FHOD3: variants seen among roughly 807,000 people sequenced by gnomAD.
FHOD3 encodes FH1/FH2 domain-containing protein 3.
Under a neutral mutation model 173.0 loss-of-function variants are expected in FHOD3, and 90 were observed. The observed-to-expected ratio is 0.52, with a 90% CI of 0.44 to 0.62. The LOEUF is 0.62. Ranked by LOEUF, FHOD3 falls within the 20% of genes least tolerant of loss-of-function variation. FHOD3 has a pLI of 0.00. For missense variants in FHOD3, 1,945 were observed against 2,034.7 expected (o/e 0.96, Z 0.85); for synonymous variants, 828 against 823.0 (o/e 1.01, Z -0.10).
chr18:36,478,495 T>C (rs1004645910), intron 3 of FHOD3, among the ~76,000 whole-genome samples: 5 of 109,162 alleles, frequency 4.6e-5, no homozygotes, highest in African/African-American at 1.8e-4. Flanking sequence ...TATCAAATAC[T>C]AGCTCTTACT....
chr18:36,689,052 A>G (rs2038803109), intron 16 of FHOD3, among the ~76,000 whole-genome samples: 1 of 152,166 alleles, frequency 6.6e-6, no homozygotes, highest in Non-Finnish European at 1.5e-5. Flanking sequence ...ACGGAGGTCT[A>G]GGGAAGCAGG....
At chr18:36,334,800 T>C (rs1598746308) in intron 1 of FHOD3, among the ~76,000 whole-genome samples, 1 of 152,206 alleles carries the variant, frequency 6.6e-6, no homozygotes, top group East Asian at 1.9e-4. Flanking sequence ...ATTTAGGTTT[T>C]AGTGGAATAA....
intron 3 of FHOD3, among the ~76,000 whole-genome samples, chr18:36,475,970 A>T (rs2053553475): frequency 6.6e-6 from 1 of 152,222 alleles, no homozygotes; most frequent in Non-Finnish European, 1.5e-5. Context: ...TACAATTACT[A>T]GGTATTTTAG....
At chr18:36,514,311 T>C (rs948226099) in intron 5 of FHOD3, among the ~76,000 whole-genome samples, 2 of 152,104 alleles carry the variant, frequency 1.3e-5, no homozygotes, top group African/African-American at 4.8e-5. Context: ...ACCCGGCCTC[T>C]ATTCTTAATA....
At chr18:36,718,829 G>A in intron 19 of FHOD3, 114 bp downstream of exon 19, 3 of 1,490,486 alleles carry the variant, frequency 2.0e-6, no homozygotes, top group Non-Finnish European at 2.7e-6. Flanking sequence ...AAAGTCCATT[G>A]GTATGAAAAT....
intron 22 of FHOD3, 54 bp downstream of exon 22, chr18:36,742,910 C>T (rs928556998): frequency 2.9e-5 from 45 of 1,576,780 alleles, no homozygotes; most frequent in Non-Finnish European, 3.4e-5. Flanking sequence ...AAAATCCCTG[C>T]CCAGCAATTG....
intron 17 of FHOD3, among the ~76,000 whole-genome samples, chr18:36,697,912 A>G (rs1008662609): frequency 2.0e-5 from 3 of 152,194 alleles, no homozygotes; most frequent in African/African-American, 7.2e-5. Flanking sequence ...TCGTTGTGGA[A>G]GATGTTCTGA....
intron 26 of FHOD3, 72 bp downstream of exon 26, chr18:36,759,213 A>T (rs2042765663): frequency 6.9e-7 from 1 of 1,446,838 alleles, no homozygotes; most frequent in African/African-American, 1.4e-5. Flanking sequence ...AACCTAACAT[A>T]ATCAGCATGA....
At chr18:36,671,404 G>A (rs2037525846) in intron 14 of FHOD3, among the ~76,000 whole-genome samples, 1 of 152,372 alleles carries the variant, frequency 6.6e-6, no homozygotes, top group Non-Finnish European at 1.5e-5. Context: ...AGTTTCTTCA[G>A]TGCTGCTGTT....
chr18:36,594,979 C>G, intron 7 of FHOD3, 81 bp downstream of exon 7: 1 of 868,070 alleles, frequency 1.2e-6, no homozygotes. Flanking sequence ...ATGCTTGAGA[C>G]AGATATAAGA....
chr18:36,418,759 C>T (rs1025130484), intron 3 of FHOD3, among the ~76,000 whole-genome samples: 1 of 151,884 alleles, frequency 6.6e-6, no homozygotes, highest in Non-Finnish European at 1.5e-5. Flanking sequence ...AATAAAAATA[C>T]AAAAAATTAG....
At chr18:36,339,896 A>G (rs1169801980) in intron 1 of FHOD3, among the ~76,000 whole-genome samples, 1 of 152,232 alleles carries the variant, frequency 6.6e-6, no homozygotes, top group Admixed American at 6.5e-5. Context: ...TTTTTGGTTT[A>G]TGCTACAAAT....
chr18:36,339,241 A>G (rs1371658063), intron 1 of FHOD3, among the ~76,000 whole-genome samples: 1 of 152,074 alleles, frequency 6.6e-6, no homozygotes, highest in Non-Finnish European at 1.5e-5. Flanking sequence ...ACTGGGCAGT[A>G]GGGTCTTGTG....
At chr18:36,591,754 CA>C (rs11330265) in intron 6 of FHOD3, among the ~76,000 whole-genome samples, 150,841 of 151,888 alleles carry the variant, frequency 0.99, 74,914 homozygotes, top group Non-Finnish European at 1. Flanking sequence ...ACTATCTCTA[CA>C]AAAAAAAATT....
intron 3 of FHOD3, among the ~76,000 whole-genome samples, chr18:36,454,665 T>TA (rs910880292): frequency 3.3e-5 from 5 of 152,100 alleles, no homozygotes; most frequent in African/African-American, 9.7e-5. Flanking sequence ...CGTTCCATTT[T>TA]TTTTTTTCTC....
intron 6 of FHOD3, among the ~76,000 whole-genome samples, chr18:36,588,412 T>A (rs946280839): frequency 2.6e-5 from 4 of 152,210 alleles, no homozygotes; most frequent in African/African-American, 9.6e-5. Flanking sequence ...ACTTTATAGA[T>A]CAAGTTATCT....
chr18:36,371,852 C>G (rs922741578), intron 2 of FHOD3, among the ~76,000 whole-genome samples: 4 of 152,134 alleles, frequency 2.6e-5, no homozygotes, highest in Non-Finnish European at 5.9e-5. Flanking sequence ...AGAGCCCTGC[C>G]ACACTACCTG....
intron 5 of FHOD3, among the ~76,000 whole-genome samples, chr18:36,525,035 A>C (rs1219381475): frequency 1.3e-5 from 2 of 152,224 alleles, no homozygotes; most frequent in African/African-American, 4.8e-5. Context: ...CAGAATTCTA[A>C]GGTGGCCCAG....
chr18:36,512,734 G>A (rs999678185), intron 5 of FHOD3, among the ~76,000 whole-genome samples, 191 bp downstream of exon 5: 1 of 152,112 alleles, frequency 6.6e-6, no homozygotes, highest in African/African-American at 2.4e-5. Flanking sequence ...ATTAGCAACT[G>A]TGCTAATTTT....
Sources: gnomAD v4.1 joint callset for allele counts (sites outside exome capture counted in the v4.1 genomes callset) on GRCh38, gnomAD v4.1.1 for gene constraint, MANE v1.5 for transcripts, NCBI Gene and HGNC (gene_info 2026-07-23, HGNC 2026-07-21) for gene names.